The following CPEB3 variants were observed in gnomAD, a reference collection of about 807,000 sequenced individuals.
The protein encoded by CPEB3 is cytoplasmic polyadenylation element binding protein 3.
A neutral mutation model predicts 67.2 loss-of-function variants in CPEB3; 20 were observed. The ratio of observed to expected loss-of-function variants is 0.30; its 90% CI spans 0.21 to 0.43. The LOEUF is 0.43. CPEB3 is among the 20% of genes least tolerant of loss of function. CPEB3 has a pLI of 1.00. For missense variants in CPEB3, 746 were observed against 968.6 expected, an observed-to-expected ratio of 0.77 and a Z score of 3.05; for synonymous variants, 376 against 393.1, an observed-to-expected ratio of 0.96 and a Z score of 0.51.
chr10:92,228,468 A>T (rs1409199780), intron 2 of CPEB3, among the ~76,000 whole-genome samples: 1 of 152,120 alleles, frequency 6.6e-6, no homozygotes, highest in Non-Finnish European at 1.5e-5. Flanking sequence ...GTTGCTGCTT[A>T]TCTGAAACCT....
intron 1 of CPEB3, among the ~76,000 whole-genome samples, chr10:92,265,141 C>G (rs182132593): frequency 2.6e-5 from 4 of 151,644 alleles, no homozygotes; most frequent in African/African-American, 4.8e-5. Flanking sequence ...GCCTGGGCAA[C>G]ACAGCGAGAC....
intron 7 of CPEB3, 114 bp from the exon 8 acceptor site, chr10:92,092,058 A>G: frequency 2.8e-6 from 2 of 702,512 alleles, no homozygotes; most frequent in Non-Finnish European, 2.5e-6. Flanking sequence ...ACATGACCCA[A>G]ACAAAATCCA....
chr10:92,134,362 A>C (rs2133748787), intron 6 of CPEB3, among the ~76,000 whole-genome samples: 1 of 152,106 alleles, frequency 6.6e-6, no homozygotes, highest in Admixed American at 6.5e-5. Context: ...AAGCGTTCCT[A>C]TATACCAATA....
chr10:92,256,287 T>C (rs535833104), intron 1 of CPEB3, among the ~76,000 whole-genome samples: 17 of 152,250 alleles, frequency 1.1e-4, no homozygotes, highest in African/African-American at 4.1e-4. Context: ...GCCTCCATAC[T>C]AAATCCTGAG....
chr10:92,245,765 G>A (rs1241792584), intron 1 of CPEB3, among the ~76,000 whole-genome samples: 2 of 152,152 alleles, frequency 1.3e-5, no homozygotes, highest in Non-Finnish European at 2.9e-5. Flanking sequence ...AGCCGGGCAC[G>A]GTGGCTCATG....
At chr10:92,236,604 C>G (rs1301036434) in intron 2 of CPEB3, among the ~76,000 whole-genome samples, 2 of 152,066 alleles carry the variant, frequency 1.3e-5, no homozygotes, top group Non-Finnish European at 2.9e-5. Flanking sequence ...AAAAAATTAG[C>G]CGGGCGTGGT....
intron 6 of CPEB3, chr10:92,118,690 T>C (rs75854359): frequency 2.9e-6 from 2 of 700,688 alleles, no homozygotes; most frequent in South Asian, 2.9e-5. Flanking sequence ...TTGGTCGACA[T>C]TGCCTCCGAG....
chr10:92,197,103 G>C (rs1252673578), intron 2 of CPEB3, among the ~76,000 whole-genome samples: 1 of 152,154 alleles, frequency 6.6e-6, no homozygotes, highest in African/African-American at 2.4e-5. Flanking sequence ...AAACCTAGCA[G>C]TTCACAGATA....
intron 2 of CPEB3, among the ~76,000 whole-genome samples, chr10:92,211,698 G>C (rs1397456773): frequency 3.3e-5 from 5 of 151,304 alleles, no homozygotes; most frequent in Non-Finnish European, 2.9e-5. Flanking sequence ...CACCACACCA[G>C]GTTAATTTTT....
intron 2 of CPEB3, among the ~76,000 whole-genome samples, chr10:92,230,027 C>T (rs769642924): frequency 7.4e-5 from 11 of 149,336 alleles, no homozygotes; most frequent in African/African-American, 1.7e-4. Context: ...GCCTAGGCAA[C>T]GAGAGCGAAA....
At chr10:92,126,793 C>A (rs1046388798) in intron 6 of CPEB3, among the ~76,000 whole-genome samples, 1 of 152,180 alleles carries the variant, frequency 6.6e-6, no homozygotes. Context: ...GTCTGTCTAA[C>A]AAAAGCTGTG....
At chr10:92,291,218 T>A, upstream of CPEB3, 3 of 528,522 alleles carry the variant, frequency 5.7e-6, no homozygotes, top group Non-Finnish European at 9.9e-6. Flanking sequence ...CCGCGGTCCA[T>A]GGACCGGAAC....
intron 9 of CPEB3, among the ~76,000 whole-genome samples, chr10:92,073,465 C>A (rs774190652): frequency 5.3e-5 from 8 of 151,988 alleles, no homozygotes; most frequent in Non-Finnish European, 8.8e-5. Context: ...ACCAGCCTGG[C>A]CAACGTGGCA....
chr10:92,139,350 GA>G (rs1028680440), intron 6 of CPEB3, among the ~76,000 whole-genome samples: 4 of 149,424 alleles, frequency 2.7e-5, no homozygotes, highest in African/African-American at 9.9e-5. Context: ...ATTCAGCCAC[GA>G]AAAAAAAGAG....
intron 6 of CPEB3, chr10:92,137,083 T>C (rs1351010897): frequency 1.0e-5 from 3 of 293,862 alleles, no homozygotes; most frequent in African/African-American, 6.7e-5. Context: ...TCAAGCCCTA[T>C]CTGGGACTGG....
At chr10:92,151,858 G>A (rs1187449345) in intron 4 of CPEB3, among the ~76,000 whole-genome samples, 16 of 151,996 alleles carry the variant, frequency 1.1e-4, no homozygotes, top group Admixed American at 9.8e-4. Context: ...TCTTTAATTT[G>A]TTCACTTCTC....
At chr10:92,102,261 G>A (rs555643126) in intron 7 of CPEB3, among the ~76,000 whole-genome samples, 6 of 152,262 alleles carry the variant, frequency 3.9e-5, no homozygotes, top group Admixed American at 2.6e-4. Context: ...TCAGACCTCC[G>A]TCAGGCCTCA....
intron 9 of CPEB3, among the ~76,000 whole-genome samples, chr10:92,058,961 A>G (rs1842225787): frequency 5.3e-5 from 8 of 152,228 alleles, no homozygotes; most frequent in Admixed American, 5.2e-4. Flanking sequence ...AAATTGAAAT[A>G]ATATCAAGCA....
intron 2 of CPEB3, among the ~76,000 whole-genome samples, chr10:92,221,985 T>G (rs1850723511): frequency 6.6e-6 from 1 of 152,168 alleles, no homozygotes; most frequent in Non-Finnish European, 1.5e-5. Context: ...TCTATAATTG[T>G]GAGAAGTATT....
Sources: allele counts gnomAD v4.1 joint callset (sites outside exome capture counted in the v4.1 genomes callset), GRCh38; gene constraint gnomAD v4.1.1; transcripts MANE v1.5; gene names NCBI Gene and HGNC (gene_info 2026-07-23, HGNC 2026-07-21).